WFDC1: variants seen among roughly 807,000 people sequenced by gnomAD.
WFDC1 encodes the protein WAP four-disulfide core domain 1.
A neutral mutation model predicts 32.9 loss-of-function variants in WFDC1; 39 were observed. The ratio of observed to expected loss-of-function variants is 1.19; its 90% CI spans 0.92 to 1.55. The LOEUF is 1.55. Among genes scored for constraint, WFDC1 ranks in the 40% most tolerant of loss-of-function variants. The probability of loss-of-function intolerance (pLI) is 0.00; values close to 1 mark genes in which losing one functional copy is unlikely to be tolerated. For missense variants in WFDC1, 386 were observed against 309.5 expected (o/e 1.25, Z -1.85); for synonymous variants, 184 against 137.4 (o/e 1.34, Z -2.37).
chr16:84,297,617 CAAAAAAAAAAAAAA>C lies in WFDC1; in HGVS notation c.144+2519_144+2532del, dbSNP rs150683526. Among the ~76,000 whole-genome samples the C allele has an allele frequency of 1.2e-3, 86 of 69,464 alleles. 1 individual carries two copies. The highest frequency in any genetic ancestry group is 5.4e-3 in the South Asian group (8 of 1,486). The allele number at this position is 69,464 out of a possible 152,430, so 45.6% of individuals were successfully genotyped here. A position where few individuals can be genotyped will look rare whatever the true frequency, so the allele number is the denominator to read the frequency against. On this transcript the variant is annotated intron_variant, in intron 1 of 6. Coordinates refer to ENST00000219454, the MANE Select transcript of WFDC1 (RefSeq NM_021197.4). The stretch of plus-strand genomic sequence containing the variant: ...GGGCAACAAGAGTGAAACTCTGTCT[CAAAAAAAAAAAAAA>C]AAAAAAAAAAAAAAAACTGTGCCTC...
At chr16:84,318,203 C>T (rs1478669203) in intron 2 of WFDC1, 69 bp from the exon 3 acceptor site, 10 of 1,515,730 alleles carry the variant, frequency 6.6e-6, no homozygotes, top group African/African-American at 1.4e-5. Flanking sequence ...TGGGGTGCCC[C>T]CAGCCCCCAA....
chr16:84,311,816 G>C (rs62050690), intron 1 of WFDC1, among the ~76,000 whole-genome samples: 1 of 148,338 alleles, frequency 6.7e-6, no homozygotes, highest in African/African-American at 2.5e-5. Context: ...GGGATTATAC[G>C]CTTGTGTGCC....
intron 1 of WFDC1, among the ~76,000 whole-genome samples, chr16:84,307,630 C>A (rs1049245694): frequency 6.6e-6 from 1 of 152,188 alleles, no homozygotes; most frequent in East Asian, 1.9e-4. Flanking sequence ...TGTTTTGCTT[C>A]TGATCACCAG....
chr16:84,324,344 C>G, intron 4 of WFDC1, 75 bp from the exon 5 acceptor site: 1 of 1,349,364 alleles, frequency 7.4e-7, no homozygotes, highest in South Asian at 1.2e-5. Context: ...CAAGTAATTC[C>G]TCAGTGTTAT....
chr16:84,299,638 A>T (rs1327866691), intron 1 of WFDC1, among the ~76,000 whole-genome samples: 2 of 152,194 alleles, frequency 1.3e-5, no homozygotes, highest in Admixed American at 1.3e-4. Context: ...CGACAAATCC[A>T]CCGGGTGGGG....
chr16:84,311,527 C>CTTTTTTTT (rs35243949), intron 1 of WFDC1, among the ~76,000 whole-genome samples: 4 of 88,700 alleles, frequency 4.5e-5, no homozygotes, highest in African/African-American at 2.0e-4. Flanking sequence ...TGCGCCTGGA[C>CTTTTTTTT]TTTTTTTTTT....
rs143040901 is a variant in WFDC1, at chr16:84,294,987, G to A, written c.16G>A (p.Val6Met). The change falls in exon 1 of 7, where the codon GTG becomes ATG. Residue 6 changes from valine to methionine, a missense_variant. Val to Met is a conservative substitution (Grantham distance 21). Transcript: ENST00000219454. Reference protein sequence around the residue: MPLTGVGPGSCRRQII... With the variant: MPLTGMGPGSCRRQII... ...CAGGGAGGAAATGCCTTTAACCGGC[G>A]TGGGGCCGGGCAGCTGCAGGAGGCA... The A allele has an allele frequency of 1.9e-4, 313 of 1,613,606 alleles. 1 individual carries two copies. Among genetic ancestry groups the A allele is most frequent in the African/African-American group, 7.7e-4 (58 of 74,940 alleles).
rs918036900 is a variant in WFDC1 at position 84,313,044 on chromosome 16, CGCCTGCCAG to C, written c.232_240del (p.Cys78_Ala80del). On this transcript the variant is annotated inframe_deletion, in exon 2 of 7. Coordinates refer to ENST00000219454, the MANE Select transcript of WFDC1 (RefSeq NM_021197.4). Reference sequence around the variant, plus strand: ...CGCCTCCGCGGACGCTGCCCCCCGGCGCCTGCCAGGCCGCGCGCTGTCAGGCGGACTCCG... The same window carrying C: ...CGCCTCCGCGGACGCTGCCCCCCGGCGCCGCGCGCTGTCAGGCGGACTCCG... The C allele has an allele frequency of 7.3e-7, 1 of 1,372,442 alleles. No homozygotes were observed. The highest frequency in any genetic ancestry group is 1.5e-5 in the African/African-American group (1 of 65,452). The allele number at this position is 1,372,442 out of a possible 1,614,324, so 85.0% of individuals were successfully genotyped here.
At chr16:84,300,704 C>T (rs775141688) in intron 1 of WFDC1, among the ~76,000 whole-genome samples, 2 of 152,096 alleles carry the variant, frequency 1.3e-5, no homozygotes, top group South Asian at 2.1e-4. Flanking sequence ...GCATGGTGGC[C>T]CACGCCTGTA....
At chr16:84,299,736 G>A (rs893243861) in intron 1 of WFDC1, among the ~76,000 whole-genome samples, 1 of 152,222 alleles carries the variant, frequency 6.6e-6, no homozygotes, top group Non-Finnish European at 1.5e-5. Context: ...CTGTGGGTCT[G>A]TTTTCCCCTC....
Position 84,319,581 on chromosome 16 carries a change from G to T in WFDC1, c.562+10G>T. ...CAGCGCCGGCAAGCAGGTGAGTGTG[G>T]CACCCCAGCCCTGATCCTGGCTCCT... On this transcript the variant is annotated intron_variant, in intron 4 of 6. Transcript: ENST00000219454. 1 of 1,610,934 alleles carries T rather than the reference G, an allele frequency of 6.2e-7. No individual in the cohort carries two copies. Among genetic ancestry groups the T allele is most frequent in the Non-Finnish European group, 8.5e-7 (1 of 1,179,680 alleles).
At chr16:84,322,499 C>T (rs749917385) in intron 4 of WFDC1, among the ~76,000 whole-genome samples, 26 of 152,274 alleles carry the variant, frequency 1.7e-4, no homozygotes, top group Admixed American at 3.3e-4. Flanking sequence ...TTGAATCCCC[C>T]ACCCAGATTC....
At chr16:84,295,167 C>G in intron 1 of WFDC1, 52 bp downstream of exon 1, 2 of 1,597,332 alleles carry the variant, frequency 1.3e-6, no homozygotes, top group Non-Finnish European at 1.7e-6. Flanking sequence ...TGGGAGTCAG[C>G]CTTGAGGAGA....
At chr16:84,298,407 T>G (rs1186976039) in intron 1 of WFDC1, among the ~76,000 whole-genome samples, 1 of 152,196 alleles carries the variant, frequency 6.6e-6, no homozygotes, top group Non-Finnish European at 1.5e-5. Context: ...GAAATACTTC[T>G]TGTTAGAAAT....
intron 2 of WFDC1, among the ~76,000 whole-genome samples, chr16:84,313,651 C>T (rs1227156700): frequency 6.6e-6 from 1 of 152,198 alleles, no homozygotes; most frequent in Non-Finnish European, 1.5e-5. Context: ...ACCCCATCAA[C>T]CCACCAGGCC....
At chr16:84,323,625 G>A (rs4782920) in intron 4 of WFDC1, among the ~76,000 whole-genome samples, 5,641 of 152,272 alleles carry the variant, frequency 0.037, 183 homozygotes, top group Non-Finnish European at 0.053. Context: ...CTAATTTTAT[G>A]CCTATTTTTA....
At chr16:84,303,607 C>T (rs910359963) in intron 1 of WFDC1, among the ~76,000 whole-genome samples, 2 of 152,174 alleles carry the variant, frequency 1.3e-5, no homozygotes, top group African/African-American at 4.8e-5. Context: ...GAAGCAGTTA[C>T]ACACAGCACA....
At chr16:84,323,361 A>G (rs1160455265) in intron 4 of WFDC1, among the ~76,000 whole-genome samples, 1 of 152,356 alleles carries the variant, frequency 6.6e-6, no homozygotes, top group East Asian at 1.9e-4. Flanking sequence ...ACCAGGATGG[A>G]GAAGTGAGCT....
At chr16:84,298,419 C>T (rs886938603) in intron 1 of WFDC1, among the ~76,000 whole-genome samples, 1 of 152,160 alleles carries the variant, frequency 6.6e-6, no homozygotes, top group East Asian at 1.9e-4. Context: ...GTTAGAAATG[C>T]ATCACTTTCC....
Sources: allele counts gnomAD v4.1 joint callset (sites outside exome capture counted in the v4.1 genomes callset), GRCh38; gene constraint gnomAD v4.1.1; transcripts MANE v1.5; gene names NCBI Gene and HGNC (gene_info 2026-07-23, HGNC 2026-07-21).